The following PLEKHG4B variants were observed in gnomAD, a reference collection of about 807,000 sequenced individuals.
PLEKHG4B encodes the protein pleckstrin homology and RhoGEF domain containing G4B.
Under a neutral mutation model 121.3 loss-of-function variants are expected in PLEKHG4B, and 111 were observed. That is an observed-to-expected ratio of 0.92 (90% CI 0.78 to 1.07). The LOEUF (loss-of-function observed/expected upper bound fraction) is 1.07, where lower values mean the gene tolerates loss of function less well. Ranked by LOEUF, PLEKHG4B falls within the 50% of genes least tolerant of loss-of-function variation. The pLI is 0.00. For missense variants in PLEKHG4B, 1,831 were observed against 1,757.8 expected (o/e 1.04, Z -0.74); for synonymous variants, 738 against 725.0 (o/e 1.02, Z -0.29).
intron 6 of PLEKHG4B, among the ~76,000 whole-genome samples, chr5:147,324 A>G (rs1028653352): frequency 6.6e-6 from 1 of 152,228 alleles, no homozygotes; most frequent in Non-Finnish European, 1.5e-5. Flanking sequence ...AGAAAGGAAC[A>G]TGAGGCCCTG....
intron 13 of PLEKHG4B, among the ~76,000 whole-genome samples, chr5:165,886 G>C (rs1177574965): frequency 1.2e-4 from 2 of 17,222 alleles, no homozygotes. Flanking sequence ...TCACACTAAT[G>C]CTCTGACGGG....
At chr5:118,607 C>T (rs1361500395) in intron 2 of PLEKHG4B, among the ~76,000 whole-genome samples, 3 of 152,176 alleles carry the variant, frequency 2.0e-5, no homozygotes, top group African/African-American at 7.2e-5. Context: ...TTGGAATCAA[C>T]CTCTTCTAAA....
chr5:124,514 T>C (rs1734556962), intron 2 of PLEKHG4B, among the ~76,000 whole-genome samples: 1 of 152,242 alleles, frequency 6.6e-6, no homozygotes, highest in Non-Finnish European at 1.5e-5. Context: ...TGTAGAGCTG[T>C]CTGTGTCTGT....
rs1318693362 is a variant in PLEKHG4B, at chr5:113,970, G to C, written c.243+522G>C. Among the ~76,000 whole-genome samples, 2 of 152,216 alleles carry C rather than the reference G, an allele frequency of 1.3e-5. No individual in the cohort carries two copies. The highest frequency in any genetic ancestry group is 2.9e-5 in the Non-Finnish European group (2 of 68,042). ...TAAGGCAGATACCACGCTAATGCCA[G>C]ACACACAAAGTTTTTGGTTTCCCAG... On this transcript the variant is annotated intron_variant, in intron 2 of 19. Transcript: ENST00000637938. This position sits in a 1 kb window ranked among gnomAD's most constrained non-coding sequence, Gnocchi z 5.2.
intron 2 of PLEKHG4B, among the ~76,000 whole-genome samples, chr5:138,772 A>C (rs979552500): frequency 2.6e-5 from 4 of 152,264 alleles, no homozygotes; most frequent in Non-Finnish European, 5.9e-5. Flanking sequence ...AGGCCCCAAG[A>C]TGTTTACTGT....
rs29673 is a variant in PLEKHG4B at position 162,262 on chromosome 5, C to T, written c.2649+318C>T. On this transcript the variant is annotated intron_variant, in intron 12 of 19. Transcript: ENST00000637938. Reference sequence around the variant, plus strand: ...AGTGCTACAGCAGACTGCTCGCCTGCGAGCTCCCACGCGCCCCAGACCGCA... The same window carrying T: ...AGTGCTACAGCAGACTGCTCGCCTGTGAGCTCCCACGCGCCCCAGACCGCA... 7.1e-3 allele frequency among the ~76,000 whole-genome samples: 502 copies of T among 71,002 alleles called. 5 individuals carry two copies. The East Asian group carries it at 0.097, about 14-fold the overall frequency. 46.6% of individuals were successfully genotyped at this position (71,002 alleles called of 152,430 possible). A position where few individuals can be genotyped will look rare whatever the true frequency, so the allele number is the denominator to read the frequency against.
rs1390075450 is a variant in PLEKHG4B at position 163,550 on chromosome 5, T to A, written c.3476+2T>A. On this transcript the variant is annotated splice_donor_variant, in intron 13 of 19. Coordinates refer to ENST00000637938, the MANE Select transcript of PLEKHG4B (RefSeq NM_052909.5). LOFTEE classifies it high-confidence loss of function. ...GGATGGGAGGCAGCAGGTGGGCAGG[T>A]GAGGTGGACGTCCCCCTCCTCTCGT... The A allele has an allele frequency of 3.8e-6, 6 of 1,578,178 alleles. No homozygotes were observed. Among genetic ancestry groups the A allele is most frequent in the Non-Finnish European group, 4.3e-6 (5 of 1,162,118 alleles).
In PLEKHG4B at chr5:181,605, G is replaced by C; in HGVS notation, c.4494G>C (p.Val1498=). Reference sequence around the variant, plus strand: ...GAGACCGGACCCCTGACTGTGCAGTGATAAGCGACCGGGCTCCCAAATGTG... The same window carrying C: ...GAGACCGGACCCCTGACTGTGCAGTCATAAGCGACCGGGCTCCCAAATGTG... ...KPRDRTPDCA[V]ISDRAPKCAV... The change falls in exon 19 of 20, where the codon GTG becomes GTC. Residue 1498 remains valine, a synonymous_variant. Coordinates refer to ENST00000637938, the MANE Select transcript of PLEKHG4B (RefSeq NM_052909.5). 1 of 1,612,610 alleles carries C rather than the reference G, an allele frequency of 6.2e-7. No individual in the cohort carries two copies. Among genetic ancestry groups the C allele is most frequent in the Non-Finnish European group, 8.5e-7 (1 of 1,179,212 alleles).
intron 2 of PLEKHG4B, among the ~76,000 whole-genome samples, chr5:138,005 G>A (rs1037074514): frequency 4.6e-5 from 7 of 152,216 alleles, no homozygotes; most frequent in East Asian, 1.9e-4. Flanking sequence ...AGGAACACGC[G>A]CAGACGTTTC....
At position 182,431 on chromosome 5, in the gene PLEKHG4B, C is replaced by G; in HGVS notation, c.*108C>G. 1 of 1,148,622 alleles carries G rather than the reference C, an allele frequency of 8.7e-7. No homozygotes were observed. The highest frequency in any genetic ancestry group is 1.2e-6 in the Non-Finnish European group (1 of 819,830). The allele number at this position is 1,148,622 out of a possible 1,614,324, so 71.2% of individuals were successfully genotyped here. A position where few individuals can be genotyped will look rare whatever the true frequency, so the allele number is the denominator to read the frequency against. ...GGCGGTGCCCATCGCGTGGCTGGAA[C>G]GATCCAGAGGGAATAGCACAGCAGG... On this transcript the variant is annotated 3_prime_UTR_variant, in exon 20 of 20. Transcript: ENST00000637938.
chr5:182,199 G>T lies in PLEKHG4B; in HGVS notation c.4760G>T (p.Trp1587Leu). The T allele has an allele frequency of 6.2e-7, 1 of 1,613,932 alleles. No homozygotes were observed. Among genetic ancestry groups the T allele is most frequent in the African/African-American group, 1.3e-5 (1 of 75,048 alleles). ...CTATGGAGCCCTGCCCACAGCCCCT[G>T]GTCATCTGATATCAGAGCCTGCGTC... is the stretch of plus-strand genomic sequence containing the variant. ...PGLWSPAHSPWSSDIRACVEE... is the reference protein window; with the variant it reads ...PGLWSPAHSPLSSDIRACVEE... The change falls in exon 20 of 20, where the codon TGG becomes TTG. Residue 1587 changes from tryptophan (W) to leucine (L), a missense_variant. Trp to Leu is a moderately conservative substitution (Grantham distance 61). Coordinates refer to ENST00000637938, the MANE Select transcript of PLEKHG4B (RefSeq NM_052909.5).
rs1394325644 is a variant in PLEKHG4B at position 159,314 on chromosome 5, C to T, written c.2487+2403C>T. Among the ~76,000 whole-genome samples the T allele has an allele frequency of 6.7e-6, 1 of 149,070 alleles. No homozygotes were observed. The highest frequency in any genetic ancestry group is 2.5e-5 in the African/African-American group (1 of 39,366). On this transcript the variant is annotated intron_variant, in intron 11 of 19. Transcript: ENST00000637938. This position sits in a 1 kb window ranked among gnomAD's most constrained non-coding sequence, Gnocchi z 5.5. ...GAGGGTCGCCCAGGTGCACCGAGGG[C>T]AGGTGTGCTCTTTGTGTCTGCACTG...
At position 140,189 on chromosome 5, in the gene PLEKHG4B, A is replaced by G. The variant is rs1043370047; in HGVS notation, c.950A>G (p.Gln317Arg). 1.7e-5 allele frequency: 19 copies of G among 1,090,596 alleles called. No individual in the cohort carries two copies. The African/African-American group carries it at 1.8e-4, about 10-fold the overall frequency. 67.6% of individuals were successfully genotyped at this position (1,090,596 alleles called of 1,614,324 possible). Reference protein sequence around the residue: ...GSGERPDPMDQEDRPKALTFH... With the variant: ...GSGERPDPMDREDRPKALTFH... ...GGGGAGAGGCCGGACCCCATGGACC[A>G]GGAGGACAGACCCAAGGCCCTCACC... Residue 317 changes from glutamine to arginine, a missense_variant, in exon 3 of 20, where the codon CAG becomes CGG. Gln to Arg is a conservative substitution (Grantham distance 43). Transcript: ENST00000637938.
intron 13 of PLEKHG4B, among the ~76,000 whole-genome samples, chr5:168,508 T>C (rs1560948953): frequency 1.3e-5 from 2 of 152,150 alleles, no homozygotes; most frequent in Admixed American, 6.5e-5. Flanking sequence ...CAAAAGCCGT[T>C]TTCTCACGAA....
rs1313226809 is a variant in PLEKHG4B at position 166,474 on chromosome 5, GC to G, written c.3477-2865del. The stretch of plus-strand genomic sequence containing the variant: ...CTGACGGGGCGGAGCTCACACTAAT[GC>G]TCTGACGGGGCGGGGCTCACAGTAA... On this transcript the variant is annotated intron_variant, in intron 13 of 19. Transcript: ENST00000637938. Among the ~76,000 whole-genome samples, 440 of 94,810 alleles carry G rather than the reference GC, an allele frequency of 4.6e-3. 4 individuals are homozygous for G. Among genetic ancestry groups the G allele is most frequent in the Non-Finnish European group, 6.4e-3 (291 of 45,788 alleles). 62.2% of individuals were successfully genotyped at this position (94,810 alleles called of 152,430 possible).
intron 13 of PLEKHG4B, 71 bp from the exon 14 acceptor site, chr5:169,269 C>T: frequency 6.3e-7 from 1 of 1,575,436 alleles, no homozygotes; most frequent in Non-Finnish European, 8.6e-7. Flanking sequence ...GTTTCTGTCT[C>T]AGGCATGAAT....
intron 1 of PLEKHG4B, among the ~76,000 whole-genome samples, chr5:110,580 A>G (rs896519427): frequency 5.5e-5 from 8 of 144,512 alleles, no homozygotes; most frequent in African/African-American, 1.6e-4. Context: ...ACACACGCGC[A>G]CACATCCACA....
intron 18 of PLEKHG4B, among the ~76,000 whole-genome samples, chr5:176,994 C>T (rs1736778852): frequency 6.6e-6 from 1 of 152,198 alleles, no homozygotes; most frequent in Non-Finnish European, 1.5e-5. Context: ...CTCCCCATTG[C>T]GTCATTGGTC....
intron 6 of PLEKHG4B, 149 bp downstream of exon 6, chr5:145,069 T>A (rs773255812): frequency 1.6e-6 from 1 of 629,794 alleles, no homozygotes; most frequent in African/African-American, 1.8e-5. Context: ...AGCCACCTCC[T>A]TCTTGGGGTC....
Sources: allele counts gnomAD v4.1 joint callset (sites outside exome capture counted in the v4.1 genomes callset), GRCh38; gene constraint gnomAD v4.1.1; non-coding constraint Gnocchi (gnomAD v3.1); transcripts MANE v1.5; gene names NCBI Gene and HGNC (gene_info 2026-07-23, HGNC 2026-07-21).